The following TBC1D1 variants were observed in gnomAD, a reference collection of about 807,000 sequenced individuals.
TBC1D1 encodes TBC1 domain family member 1.
TBC1D1 carries 89 observed loss-of-function variants against 125.6 expected under a neutral mutation model. The ratio of observed to expected loss-of-function variants is 0.71; its 90% CI spans 0.60 to 0.85. TBC1D1 has a LOEUF of 0.85. Ranked by LOEUF, TBC1D1 falls within the 40% of genes least tolerant of loss-of-function variation. The pLI is 0.00. For synonymous variants in TBC1D1, 565 were observed against 564.1 expected, an observed-to-expected ratio of 1.00 and a Z score of -0.02; for missense variants, 1,377 against 1,469.2, an observed-to-expected ratio of 0.94 and a Z score of 1.03.
chr4:38,013,012 C>A (rs1390574247), intron 2 of TBC1D1, among the ~76,000 whole-genome samples: 3 of 152,028 alleles, frequency 2.0e-5, no homozygotes, highest in Non-Finnish European at 4.4e-5. Flanking sequence ...CCAGGCTGGT[C>A]TCAACCTCCT....
rs934029483 is a variant in TBC1D1 at position 37,910,796 on chromosome 4, G to T, written c.417+8284G>T. The stretch of plus-strand genomic sequence containing the variant: ...TGTACATTTTAAAACAAAAGAGTGT[G>T]ATTGGATTGTTTGTAACACAAAAGA... On this transcript the variant is annotated intron_variant, in intron 2 of 19. Coordinates refer to ENST00000261439, the MANE Select transcript of TBC1D1 (RefSeq NM_015173.4). 2.6e-5 allele frequency among the ~76,000 whole-genome samples: 4 copies of T among 152,068 alleles called. No individual in the cohort carries two copies. The East Asian group carries it at 7.7e-4, about 29-fold the overall frequency.
chr4:38,046,149 A>T (rs1295650002), intron 10 of TBC1D1, among the ~76,000 whole-genome samples: 1 of 152,168 alleles, frequency 6.6e-6, no homozygotes, highest in Non-Finnish European at 1.5e-5. Flanking sequence ...GCGGATCATG[A>T]GGTCAGGAGA....
chr4:38,129,958 C>T (rs866940327), intron 18 of TBC1D1, among the ~76,000 whole-genome samples: 13 of 152,144 alleles, frequency 8.5e-5, no homozygotes, highest in South Asian at 2.1e-4. Flanking sequence ...CGAAACATAT[C>T]CCAAGCCAGT....
In TBC1D1 at chr4:38,035,601, G is replaced by C. The variant is rs1747059314; in HGVS notation, c.1316G>C (p.Arg439Thr). ...TTTGTTTTAAAGAAATTGAGACCGA[G>C]AAATGAGCAGCGAGAGAATGAATTG... The change falls in exon 8 of 20, where the codon AGA (arginine) becomes ACA (threonine). Residue 439 changes from arginine (R) to threonine (T), a missense_variant. Around this residue, in one of 3 missense-constraint regions of TBC1D1, gnomAD observed 822 missense variants for 824.6 expected, o/e 1.00. Coordinates refer to ENST00000261439, the MANE Select transcript of TBC1D1 (RefSeq NM_015173.4). 1 of 1,613,082 alleles carries C rather than the reference G, an allele frequency of 6.2e-7. No individual in the cohort carries two copies. Among genetic ancestry groups the C allele is most frequent in the Non-Finnish European group, 8.5e-7 (1 of 1,179,672 alleles).
intron 2 of TBC1D1, among the ~76,000 whole-genome samples, chr4:38,000,403 G>A (rs1223914942): frequency 1.3e-5 from 2 of 152,152 alleles, no homozygotes; most frequent in African/African-American, 4.8e-5. Context: ...AGCAAGTGTT[G>A]TAGATTTAGG....
chr4:38,115,303 T>C (rs982898887), intron 15 of TBC1D1, among the ~76,000 whole-genome samples: 1 of 152,094 alleles, frequency 6.6e-6, no homozygotes, highest in Non-Finnish European at 1.5e-5. Flanking sequence ...GGTTTCGCCA[T>C]GTTGGGCAGG....
At chr4:37,894,041 T>G (rs946774504) in intron 1 of TBC1D1, among the ~76,000 whole-genome samples, 1 of 149,984 alleles carries the variant, frequency 6.7e-6, no homozygotes, top group Non-Finnish European at 1.5e-5. Context: ...CAGGCTGGAG[T>G]GCAGTGGCGT....
At chr4:38,097,810 A>G (rs923808240) in intron 14 of TBC1D1, among the ~76,000 whole-genome samples, 4 of 152,214 alleles carry the variant, frequency 2.6e-5, no homozygotes, top group Non-Finnish European at 5.9e-5. Context: ...AGGAGCATAA[A>G]TGGAACAAAG....
chr4:38,134,716 G>A (rs1180597365), intron 19 of TBC1D1, among the ~76,000 whole-genome samples: 1 of 152,258 alleles, frequency 6.6e-6, no homozygotes, highest in Non-Finnish European at 1.5e-5. Context: ...AGCATAGAAA[G>A]TAATTTCATG....
At chr4:37,996,087 G>T (rs1353713582) in intron 2 of TBC1D1, 1 of 510,348 alleles carries the variant, frequency 2.0e-6, no homozygotes, top group South Asian at 1.4e-5. Flanking sequence ...GTGGGTATAT[G>T]ATTTTCTGTG....
chr4:37,907,102 A>G (rs899876035), intron 2 of TBC1D1, among the ~76,000 whole-genome samples: 1 of 152,234 alleles, frequency 6.6e-6, no homozygotes, highest in Non-Finnish European at 1.5e-5. Context: ...TTAATGTCTG[A>G]ATTAATAGAA....
intron 2 of TBC1D1, among the ~76,000 whole-genome samples, chr4:37,969,363 A>G (rs955534065): frequency 1.3e-5 from 2 of 152,214 alleles, no homozygotes; most frequent in Admixed American, 6.5e-5. Context: ...TTTGTTTGAG[A>G]CAGAGTTCCG....
At chr4:38,019,686 A>G (rs1743582990) in intron 4 of TBC1D1, among the ~76,000 whole-genome samples, 1 of 152,140 alleles carries the variant, frequency 6.6e-6, no homozygotes, top group African/African-American at 2.4e-5. Flanking sequence ...CAGACGTTTT[A>G]TCTGTATTAA....
chr4:38,064,848 C>T lies in TBC1D1; in HGVS notation c.2050+10510C>T, dbSNP rs186806163. 2.0e-5 allele frequency among the ~76,000 whole-genome samples: 3 copies of T among 152,136 alleles called. No homozygotes were observed. The East Asian group carries it at 5.8e-4, about 29-fold the overall frequency. Reference sequence around the variant, plus strand: ...CCACGTTGACCAGGATGGTCTTCATCTCCCGACCTCGCGATTCACCTGCCT... The same window carrying T: ...CCACGTTGACCAGGATGGTCTTCATTTCCCGACCTCGCGATTCACCTGCCT... On this transcript the variant is annotated intron_variant, in intron 12 of 19. Coordinates refer to ENST00000261439, the MANE Select transcript of TBC1D1 (RefSeq NM_015173.4).
At chr4:37,999,930 T>C (rs1167392508) in intron 2 of TBC1D1, among the ~76,000 whole-genome samples, 1 of 152,198 alleles carries the variant, frequency 6.6e-6, no homozygotes, top group South Asian at 2.1e-4. Context: ...CAGACTAAAA[T>C]TGAGTACTTG....
intron 2 of TBC1D1, among the ~76,000 whole-genome samples, chr4:37,903,659 A>G (rs1271010455): frequency 7.2e-5 from 11 of 152,204 alleles, no homozygotes; most frequent in Non-Finnish European, 7.3e-5. Context: ...TTAGAAATTA[A>G]TATTCTTGGT....
intron 14 of TBC1D1, among the ~76,000 whole-genome samples, chr4:38,099,885 G>A (rs1760008175): frequency 1.3e-5 from 2 of 152,156 alleles, no homozygotes; most frequent in Non-Finnish European, 2.9e-5. Context: ...ATCTGGTACT[G>A]TCCAGTGACA....
chr4:38,088,644 A>AT (rs1236958753), intron 12 of TBC1D1, among the ~76,000 whole-genome samples: 6 of 151,614 alleles, frequency 4.0e-5, no homozygotes, highest in Admixed American at 6.6e-5. Context: ...AATAAGAGCT[A>AT]TTTTTTTTAT....
intron 2 of TBC1D1, chr4:38,006,705 T>C (rs1459966836): frequency 2.9e-6 from 1 of 342,300 alleles, no homozygotes; most frequent in Non-Finnish European, 5.6e-6. Context: ...GGGCTCAATC[T>C]CCTGACCTTG....
Sources: allele counts gnomAD v4.1 joint callset (sites outside exome capture counted in the v4.1 genomes callset), GRCh38; gene constraint gnomAD v4.1.1; regional missense constraint gnomAD v4.1.1; transcripts MANE v1.5; gene names NCBI Gene and HGNC (gene_info 2026-07-23, HGNC 2026-07-21).